DNPEP: variants seen among roughly 807,000 people sequenced by gnomAD.
The protein encoded by DNPEP is aspartyl aminopeptidase.
DNPEP carries 46 observed loss-of-function variants against 59.1 expected under a neutral mutation model. That is an observed-to-expected ratio of 0.78 (90% CI 0.61 to 0.99). DNPEP has a LOEUF of 0.99. Among genes scored for constraint, DNPEP ranks in the 50% least tolerant of loss-of-function variants. DNPEP has a pLI of 0.00. For missense variants in DNPEP, 617 were observed against 649.9 expected (o/e 0.95, Z 0.55); for synonymous variants, 229 against 242.2 (o/e 0.95, Z 0.50).
At chr2:219,398,755 C>A (rs1403758900) in intron 1 of DNPEP, among the ~76,000 whole-genome samples, 2 of 152,198 alleles carry the variant, frequency 1.3e-5, no homozygotes, top group Non-Finnish European at 2.9e-5. Flanking sequence ...GGTTTTCAGG[C>A]CCTGTGGCAG....
At chr2:219,381,654 T>C in intron 11 of DNPEP, 70 bp from the exon 12 acceptor site, 2 of 1,498,928 alleles carry the variant, frequency 1.3e-6, no homozygotes, top group Middle Eastern at 1.9e-4. Context: ...CACCCTCCCA[T>C]GGCAGACATC....
At chr2:219,387,558 C>T (rs1050350662) in intron 1 of DNPEP, 4 of 1,353,344 alleles carry the variant, frequency 3.0e-6, no homozygotes, top group Admixed American at 3.5e-5. Context: ...AGCACCCTGA[C>T]TCCTCTCTCG....
chr2:219,387,375 C>T (rs962932652), intron 1 of DNPEP: 1 of 1,441,196 alleles, frequency 6.9e-7, no homozygotes, highest in Non-Finnish European at 9.1e-7. Flanking sequence ...GCCAGGCCCG[C>T]CCCTTAATCC....
intron 9 of DNPEP, among the ~76,000 whole-genome samples, chr2:219,383,723 G>C (rs12617155): frequency 1.3e-5 from 2 of 151,910 alleles, no homozygotes; most frequent in African/African-American, 2.4e-5. Flanking sequence ...CTCCATCAAG[G>C]TGACATGACT....
chr2:219,372,075 A>T lies in DNPEP; in HGVS notation c.*2217T>A, dbSNP rs1359291573. ...ATCTCAATGTTATTTAGAGTTGTCA[A>T]CTGGAGAAAAACTTAAATGACCATT... On this transcript the variant is annotated 3_prime_UTR_variant, in exon 15 of 15. Transcript: ENST00000273075. Among the ~76,000 whole-genome samples the T allele has an allele frequency of 6.6e-6, 1 of 152,236 alleles. No individual in the cohort carries two copies. Among genetic ancestry groups the T allele is most frequent in the East Asian group, 1.9e-4 (1 of 5,196 alleles).
Position 219,373,994 on chromosome 2 carries a change from T to G in DNPEP, c.*298A>C. ...GGACTAGGGGTGGGAGAAGTGACCT[T>G]CTGCTTGAGGATCCAGTCCACCCTT... On this transcript the variant is annotated 3_prime_UTR_variant, in exon 15 of 15. Coordinates refer to ENST00000273075, the MANE Select transcript of DNPEP (RefSeq NM_012100.4). 2.7e-6 allele frequency: 1 copy of G among 376,126 alleles called. No homozygotes were observed. Among genetic ancestry groups the G allele is most frequent in the Non-Finnish European group, 4.9e-6 (1 of 204,798 alleles). The allele number at this position is 376,126 out of a possible 1,614,324, so 23.3% of individuals were successfully genotyped here. A position where few individuals can be genotyped will look rare whatever the true frequency, so the allele number is the denominator to read the frequency against.
At chr2:219,387,512 G>T in intron 1 of DNPEP, 3 of 1,438,394 alleles carry the variant, frequency 2.1e-6, no homozygotes, top group Non-Finnish European at 2.7e-6. Flanking sequence ...TCACGTGCGC[G>T]TACCCAGCCC....
At chr2:219,383,021 C>A in intron 10 of DNPEP, 110 bp downstream of exon 10, 1 of 870,264 alleles carries the variant, frequency 1.1e-6, no homozygotes, top group South Asian at 1.5e-5. Flanking sequence ...GCAGCATCTC[C>A]CCTGTCTTGG....
At chr2:219,385,181 C>T in intron 8 of DNPEP, 1 of 464,488 alleles carries the variant, frequency 2.2e-6, no homozygotes, top group Non-Finnish European at 3.9e-6. Context: ...GTAGAAGAAA[C>T]TCTTTGGGAA....
chr2:219,391,141 C>T (rs1265192803), upstream of DNPEP, among the ~76,000 whole-genome samples: 2 of 152,192 alleles, frequency 1.3e-5, no homozygotes, highest in Non-Finnish European at 2.9e-5. Context: ...CACATTGTTT[C>T]CCTATGGTAT....
At chr2:219,377,454 G>A (rs1392649882) in intron 13 of DNPEP, among the ~76,000 whole-genome samples, 4 of 151,990 alleles carry the variant, frequency 2.6e-5, no homozygotes, top group Admixed American at 6.6e-5. Context: ...GGGGTGGGGG[G>A]AACTGTGCTA....
In DNPEP at chr2:219,372,419, G is replaced by A. The variant is rs1393495391; in HGVS notation, c.*1873C>T. ...CTGGCTCTGTCGCCCAGGCTGGAGT[G>A]CAGTGGCTCAATCTTGGCTCACTGC... On this transcript the variant is annotated 3_prime_UTR_variant, in exon 15 of 15. Transcript: ENST00000273075. Among the ~76,000 whole-genome samples the A allele has an allele frequency of 1.3e-5, 2 of 152,046 alleles. No individual in the cohort carries two copies. Among genetic ancestry groups the A allele is most frequent in the Non-Finnish European group, 2.9e-5 (2 of 68,020 alleles).
At chr2:219,382,833 T>A (rs1028588800) in intron 10 of DNPEP, among the ~76,000 whole-genome samples, 6 of 152,202 alleles carry the variant, frequency 3.9e-5, no homozygotes, top group African/African-American at 1.4e-4. Flanking sequence ...CACGCAGGCA[T>A]CATGAGGACC....
At chr2:219,379,348 CCT>C (rs1221624050) in intron 13 of DNPEP, among the ~76,000 whole-genome samples, 2 of 152,114 alleles carry the variant, frequency 1.3e-5, no homozygotes, top group African/African-American at 4.8e-5. Context: ...TGTCACTCTC[CCT>C]GAAGACCTTC....
chr2:219,374,962 G>C lies in DNPEP; in HGVS notation c.1300C>G (p.Arg434Gly). The change falls in exon 14 of 15, where the codon CGG (arginine) becomes GGG (glycine). Residue 434 changes from arginine (R) to glycine (G), a missense_variant. Coordinates refer to ENST00000273075, the MANE Select transcript of DNPEP (RefSeq NM_012100.4). ...AAATCCAGCACCCGCAGCCCCAGCCGAGAAGCCAAGATAGGTCCAATGGTG... is the reference window on the plus strand; with the variant it reads ...AAATCCAGCACCCGCAGCCCCAGCCCAGAAGCCAAGATAGGTCCAATGGTG... ...GTTIGPILAS[R>G]LGLRVLDLGS... 6.2e-7 allele frequency: 1 copy of C among 1,614,144 alleles called. No homozygotes were observed. The highest frequency in any genetic ancestry group is 8.5e-7 in the Non-Finnish European group (1 of 1,180,032).
At chr2:219,395,875 A>G (rs1457764438) in intron 1 of DNPEP, among the ~76,000 whole-genome samples, 3 of 152,168 alleles carry the variant, frequency 2.0e-5, no homozygotes, top group Admixed American at 1.3e-4. Flanking sequence ...CATGTAATCA[A>G]TTTTACTTTG....
intron 13 of DNPEP, among the ~76,000 whole-genome samples, chr2:219,377,779 C>G (rs1953432045): frequency 6.6e-6 from 1 of 151,998 alleles, no homozygotes; most frequent in South Asian, 2.1e-4. Context: ...AGAAAATTAG[C>G]CAGCATGGTG....
intron 1 of DNPEP, chr2:219,399,358 C>A: frequency 2.3e-6 from 1 of 437,706 alleles, no homozygotes. Flanking sequence ...TGGAAACTGG[C>A]AGGTGTTTAA....
chr2:219,388,737 C>A (rs536049583), upstream of DNPEP: 6 of 985,496 alleles, frequency 6.1e-6, no homozygotes, highest in Non-Finnish European at 7.2e-6. Flanking sequence ...TGCTGTCTCT[C>A]GCCACAGCCA....
Sources: allele counts gnomAD v4.1 joint callset (sites outside exome capture counted in the v4.1 genomes callset), GRCh38; gene constraint gnomAD v4.1.1; transcripts MANE v1.5; gene names NCBI Gene and HGNC (gene_info 2026-07-23, HGNC 2026-07-21).